Variants in PDCD2L observed in about 807,000 individuals in gnomAD.
The protein encoded by PDCD2L is uS5 assembly chaperone PDCD2L.
In PDCD2L, 44 loss-of-function variants were observed where a neutral mutation model predicts 40.4. The observed-to-expected ratio is 1.09, with a 90% confidence interval of 0.86 to 1.40. PDCD2L has a LOEUF of 1.40. Among genes scored for constraint, PDCD2L ranks in the 40% most tolerant of loss-of-function variants. The pLI is 0.00. For missense variants in PDCD2L, 470 were observed against 453.7 expected (o/e 1.04, Z -0.33); for synonymous variants, 194 against 174.6 (o/e 1.11, Z -0.88).
At chr19:34,422,123 CTTTTTT>C (rs571061094) in intron 6 of PDCD2L, 1 of 127,736 alleles carries the variant, frequency 7.8e-6, no homozygotes, top group African/African-American at 2.8e-5. Flanking sequence ...TCCAGCCAGT[CTTTTTT>C]TTTTTTTTTT....
chr19:34,404,577 C>T (rs1448421027), intron 1 of PDCD2L, 39 bp downstream of exon 1: 1 of 1,579,242 alleles, frequency 6.3e-7, no homozygotes, highest in Non-Finnish European at 8.6e-7. Flanking sequence ...ATGGGTGCTG[C>T]TGAAGGGTGC....
Position 34,409,420 on chromosome 19 carries a change from G to C in PDCD2L, c.596G>C (p.Arg199Thr). ...TGTGTTGCAGATGAGGATGATTACA[G>C]GGACTTTGTCAACCTGGATCATGCC... Reference protein sequence around the residue: ...YICVADEDDYRDFVNLDHAHS... With the variant: ...YICVADEDDYTDFVNLDHAHS... The change falls in exon 4 of 7, where the codon AGG becomes ACG. Residue 199 changes from arginine (R) to threonine (T), a missense_variant. Arg to Thr is a moderately conservative substitution (Grantham distance 71, BLOSUM62 -1). Coordinates refer to ENST00000246535, the MANE Select transcript of PDCD2L (RefSeq NM_032346.2). 1 of 1,614,162 alleles carries C rather than the reference G, an allele frequency of 6.2e-7. No homozygotes were observed. Among genetic ancestry groups the C allele is most frequent in the Non-Finnish European group, 8.5e-7 (1 of 1,180,028 alleles).
intron 6 of PDCD2L, among the ~76,000 whole-genome samples, chr19:34,422,801 C>T (rs1208134364): frequency 6.6e-6 from 1 of 151,656 alleles, no homozygotes. Context: ...CTGCAAGCTC[C>T]GCCTCCCGGG....
rs111818375 is a variant in PDCD2L at position 34,404,847 on chromosome 19, G to A, written c.275+32G>A. On this transcript the variant is annotated intron_variant, in intron 2 of 6. Coordinates refer to ENST00000246535, the MANE Select transcript of PDCD2L (RefSeq NM_032346.2). Reference sequence around the variant, plus strand: ...GGGGAAGTCCCAGAGCTGCTCCAGGGGTGTCCTTTCCAGCGGGCTGGGGCG... The same window carrying A: ...GGGGAAGTCCCAGAGCTGCTCCAGGAGTGTCCTTTCCAGCGGGCTGGGGCG... The A allele has an allele frequency of 3.7e-4, 597 of 1,606,126 alleles. 3 individuals carry two copies. The African/African-American group carries it at 7.4e-3, about 20-fold the overall frequency.
intron 5 of PDCD2L, among the ~76,000 whole-genome samples, chr19:34,420,751 C>T (rs1050333305): frequency 6.6e-6 from 1 of 151,140 alleles, no homozygotes; most frequent in Non-Finnish European, 1.5e-5. Context: ...GTGATTGTGC[C>T]ACTGCACTCC....
rs551149680 is a variant in PDCD2L at position 34,412,452 on chromosome 19, T to G, written c.687-1285T>G. Among the ~76,000 whole-genome samples the G allele has an allele frequency of 1.2e-4, 18 of 152,232 alleles. No homozygotes were observed. The South Asian group carries it at 3.1e-3, about 26-fold the overall frequency. ...CTTGACAGTTTTTGGCTGAGTGCGG[T>G]GGCTCACTCCTATAATTCCAGCACT... On this transcript the variant is annotated intron_variant, in intron 4 of 6. Transcript: ENST00000246535.
intron 4 of PDCD2L, among the ~76,000 whole-genome samples, chr19:34,410,078 A>C (rs2075095130): frequency 6.6e-6 from 1 of 152,112 alleles, no homozygotes; most frequent in Non-Finnish European, 1.5e-5. Context: ...AGCTCTCTAA[A>C]GAGGTAAGAA....
At chr19:34,420,769 G>T (rs1209604537) in intron 5 of PDCD2L, among the ~76,000 whole-genome samples, 1 of 148,142 alleles carries the variant, frequency 6.8e-6, no homozygotes, top group Admixed American at 6.9e-5. Flanking sequence ...TCCAGCCTGG[G>T]CAACAGAAAA....
chr19:34,405,922 GAA>G (rs57849299), intron 3 of PDCD2L, among the ~76,000 whole-genome samples: 2 of 144,690 alleles, frequency 1.4e-5, no homozygotes, highest in Admixed American at 1.4e-4. Flanking sequence ...CAAAACAAAA[GAA>G]AAAAAAAACG....
At chr19:34,425,459 C>A (rs1158544229) in intron 6 of PDCD2L, among the ~76,000 whole-genome samples, 3 of 151,776 alleles carry the variant, frequency 2.0e-5, no homozygotes, top group Non-Finnish European at 4.4e-5. Context: ...TGCACCGTTA[C>A]ACCCAGTGAA....
At chr19:34,405,560 C>G (rs1418918264) in intron 3 of PDCD2L, among the ~76,000 whole-genome samples, 1 of 151,808 alleles carries the variant, frequency 6.6e-6, no homozygotes, top group Non-Finnish European at 1.5e-5. Context: ...GCCTGTGATC[C>G]CACCGTTTTT....
At chr19:34,409,080 C>A in intron 3 of PDCD2L, 81 bp from the exon 4 acceptor site, 1 of 1,314,128 alleles carries the variant, frequency 7.6e-7, no homozygotes, top group Non-Finnish European at 1.1e-6. Context: ...CTGGAAGGCG[C>A]GGCGGTGGGT....
At chr19:34,421,768 C>T (rs1345251678) in intron 6 of PDCD2L, 101 bp downstream of exon 6, 5 of 1,405,822 alleles carry the variant, frequency 3.6e-6, no homozygotes, top group African/African-American at 1.5e-5. Flanking sequence ...AAGCAAATTA[C>T]AGAAAATTTG....
chr19:34,404,619 G>C (rs376417426), intron 1 of PDCD2L, 30 bp from the exon 2 acceptor site: 1 of 1,603,324 alleles, frequency 6.2e-7, no homozygotes, highest in East Asian at 2.2e-5. Flanking sequence ...GGGGGGAGTC[G>C]GGGTCTGAGC....
At chr19:34,419,772 G>GTTTTTT (rs1568360914) in intron 5 of PDCD2L, among the ~76,000 whole-genome samples, 1 of 17,260 alleles carries the variant, frequency 5.8e-5, no homozygotes, top group Non-Finnish European at 2.1e-4. Flanking sequence ...TCTTTATGTT[G>GTTTTTT]CTTTTTTTTT....
At position 34,421,437 on chromosome 19, in the gene PDCD2L, G is replaced by C. The variant is rs1428415912; in HGVS notation, c.798-82G>C. On this transcript the variant is annotated intron_variant, in intron 5 of 6. Coordinates refer to ENST00000246535, the MANE Select transcript of PDCD2L (RefSeq NM_032346.2). ...CTGGGAGATTTCTGCAAGAAACAAAGAAAGGTTGCAAAGCATGGCCTTAGA... is the reference window on the plus strand; with the variant it reads ...CTGGGAGATTTCTGCAAGAAACAAACAAAGGTTGCAAAGCATGGCCTTAGA... 8.0e-6 allele frequency: 12 copies of C among 1,502,722 alleles called. No individual in the cohort carries two copies. In the Admixed American group the frequency reaches 2.3e-4, roughly 29 times the overall value. The allele number at this position is 1,502,722 out of a possible 1,614,324, so 93.1% of individuals were successfully genotyped here.
At chr19:34,418,759 C>T (rs549909742) in intron 5 of PDCD2L, among the ~76,000 whole-genome samples, 44 of 152,272 alleles carry the variant, frequency 2.9e-4, no homozygotes, top group African/African-American at 1.0e-3. Flanking sequence ...ATTCTACTTC[C>T]TGTATATCTT....
chr19:34,417,334 G>A (rs1346124616), intron 5 of PDCD2L, among the ~76,000 whole-genome samples: 1 of 152,042 alleles, frequency 6.6e-6, no homozygotes, highest in Non-Finnish European at 1.5e-5. Context: ...CACTGGCCGG[G>A]TGTGGTGGCT....
intron 4 of PDCD2L, among the ~76,000 whole-genome samples, chr19:34,410,762 TTTTATTTATTTA>T (rs1555724388): frequency 1.4e-5 from 2 of 146,248 alleles, no homozygotes; most frequent in African/African-American, 5.0e-5. Flanking sequence ...ACTTTTTATT[TTTTATTTATTTA>T]TTTATTTATT....
Sources: gnomAD v4.1 joint callset for allele counts (sites outside exome capture counted in the v4.1 genomes callset) on GRCh38, gnomAD v4.1.1 for gene constraint, MANE v1.5 for transcripts, NCBI Gene and HGNC (gene_info 2026-07-23, HGNC 2026-07-21) for gene names.